Variants in DOCK4 observed in about 807,000 individuals in gnomAD.
DOCK4 encodes dedicator of cytokinesis protein 4.
Under a neutral mutation model 268.1 loss-of-function variants are expected in DOCK4, and 97 were observed. The ratio of observed to expected loss-of-function variants is 0.36; its 90% CI spans 0.31 to 0.43. The LOEUF (loss-of-function observed/expected upper bound fraction) is 0.43. Ranked by LOEUF, DOCK4 falls within the 20% of genes least tolerant of loss-of-function variation. The pLI is 1.00. For synonymous variants in DOCK4, 954 were observed against 887.2 expected (o/e 1.08, Z -1.34); for missense variants, 2,145 against 2,455.7 (o/e 0.87, Z 2.67).
intron 1 of DOCK4, among the ~76,000 whole-genome samples, chr7:112,072,670 A>G (rs1192088794): frequency 6.6e-6 from 1 of 152,144 alleles, no homozygotes; most frequent in Non-Finnish European, 1.5e-5. Context: ...AGGTTGTTAA[A>G]CTGTCTCCCT....
intron 26 of DOCK4, among the ~76,000 whole-genome samples, chr7:111,823,923 C>T (rs1310036730): frequency 1.3e-5 from 2 of 152,098 alleles, no homozygotes; most frequent in Non-Finnish European, 2.9e-5. Context: ...CATGTGGTAG[C>T]TTTATTTTCT....
chr7:111,791,085 T>TAC (rs2133806832), intron 30 of DOCK4, among the ~76,000 whole-genome samples: 1 of 139,998 alleles, frequency 7.1e-6, no homozygotes, highest in East Asian at 2.0e-4. Context: ...TATATATATA[T>TAC]ATATATATAT....
At chr7:111,756,175 C>T (rs573479365) in intron 41 of DOCK4, among the ~76,000 whole-genome samples, 5 of 152,160 alleles carry the variant, frequency 3.3e-5, no homozygotes, top group South Asian at 2.1e-4. Flanking sequence ...GGTGAAACCG[C>T]GTCTCTGCTA....
intron 25 of DOCK4, among the ~76,000 whole-genome samples, chr7:111,838,805 T>A (rs1373936937): frequency 1.3e-5 from 2 of 152,186 alleles, no homozygotes; most frequent in East Asian, 3.8e-4. Context: ...TGATGTTTCA[T>A]AGGAATACAC....
chr7:112,191,990 AATATT>A (rs1426666154), intron 1 of DOCK4, among the ~76,000 whole-genome samples: 1 of 148,142 alleles, frequency 6.8e-6, no homozygotes, highest in Non-Finnish European at 1.5e-5. Context: ...AGTATACTTA[AATATT>A]ATATATTATA....
chr7:112,165,139 A>C (rs539171138), intron 1 of DOCK4, among the ~76,000 whole-genome samples: 6 of 152,294 alleles, frequency 3.9e-5, no homozygotes, highest in African/African-American at 1.4e-4. Context: ...AAATTTTGTT[A>C]CATGTATATA....
At chr7:112,096,405 A>C (rs1428074306) in intron 1 of DOCK4, among the ~76,000 whole-genome samples, 1 of 151,764 alleles carries the variant, frequency 6.6e-6, no homozygotes, top group Non-Finnish European at 1.5e-5. Flanking sequence ...CTGGTCTCCA[A>C]CTCCTAGGCT....
chr7:111,962,547 G>C lies in DOCK4; in HGVS notation c.701+14585C>G, dbSNP rs112361459. On this transcript the variant is annotated intron_variant, in intron 8 of 52. Coordinates refer to ENST00000428084, the MANE Select transcript of DOCK4 (RefSeq NM_001363540.2). ...CCAGAATCTGGCCACTTCGATTACCGTGCGGTACACAAGACACACAAAGGT... is the reference window on the plus strand; with the variant it reads ...CCAGAATCTGGCCACTTCGATTACCCTGCGGTACACAAGACACACAAAGGT... 1.9e-3 allele frequency among the ~76,000 whole-genome samples: 293 copies of C among 152,156 alleles called. 3 individuals carry two copies. Among genetic ancestry groups the C allele is most frequent in the African/African-American group, 6.6e-3 (275 of 41,506 alleles).
chr7:112,118,209 A>C (rs1042923186), intron 1 of DOCK4, among the ~76,000 whole-genome samples: 3 of 151,818 alleles, frequency 2.0e-5, no homozygotes, highest in Non-Finnish European at 2.9e-5. Context: ...ATAACAACAG[A>C]ACCATGGAGA....
At chr7:111,820,334 G>T (rs923924131) in intron 27 of DOCK4, 5 of 152,194 alleles carry the variant, frequency 3.3e-5, no homozygotes, top group African/African-American at 1.2e-4. Context: ...GAGAGGCAGC[G>T]CCAGACTCCT....
intron 8 of DOCK4, among the ~76,000 whole-genome samples, chr7:111,974,526 G>GTA (rs1435276958): frequency 6.7e-6 from 1 of 149,300 alleles, no homozygotes; most frequent in Non-Finnish European, 1.5e-5. Flanking sequence ...GTGTGTGTGT[G>GTA]TGTGTGTGTG....
At chr7:112,058,299 A>G (rs1305762577) in intron 1 of DOCK4, among the ~76,000 whole-genome samples, 1 of 152,156 alleles carries the variant, frequency 6.6e-6, no homozygotes, top group Non-Finnish European at 1.5e-5. Context: ...CCTCTGTTAT[A>G]AGGAACAGCA....
intron 26 of DOCK4, among the ~76,000 whole-genome samples, chr7:111,822,673 C>T (rs1468906641): frequency 1.3e-5 from 2 of 152,164 alleles, no homozygotes; most frequent in African/African-American, 4.8e-5. Flanking sequence ...TTCTTGGGCA[C>T]AGTGAAAATG....
chr7:112,063,098 A>G (rs958197329), intron 1 of DOCK4, among the ~76,000 whole-genome samples: 2 of 152,212 alleles, frequency 1.3e-5, no homozygotes, highest in African/African-American at 4.8e-5. Flanking sequence ...CCTGAAAGAT[A>G]CAAAGCACAC....
At position 111,794,901 on chromosome 7, in the gene DOCK4, T is replaced by C. The variant is rs147341704; in HGVS notation, c.3167-4296A>G. 1.7e-4 allele frequency among the ~76,000 whole-genome samples: 26 copies of C among 152,270 alleles called. No homozygotes were observed. In the East Asian group the frequency reaches 4.1e-3, roughly 24 times the overall value. On this transcript the variant is annotated intron_variant, in intron 30 of 52. Coordinates refer to ENST00000428084, the MANE Select transcript of DOCK4 (RefSeq NM_001363540.2). ...AAGTGAAAACCTGATTACAATGAATTACAAAGTAAAAAGAGAGAGAGACAA... is the reference window on the plus strand; with the variant it reads ...AAGTGAAAACCTGATTACAATGAATCACAAAGTAAAAAGAGAGAGAGACAA...
At chr7:111,862,008 A>G (rs1474794641) in intron 23 of DOCK4, among the ~76,000 whole-genome samples, 1 of 151,948 alleles carries the variant, frequency 6.6e-6, no homozygotes. Context: ...TTATTAAAAA[A>G]TCTAAAGCAA....
At position 111,746,396 on chromosome 7, in the gene DOCK4, T is replaced by C; in HGVS notation, c.4615A>G (p.Ile1539Val). ...YQEAFFVKEYILSHPEDGEKI... is the reference protein window; with the variant it reads ...YQEAFFVKEYVLSHPEDGEKI... ...TCCCCATCTTCAGGGTGACTTAAGA[T>C]ATATTCTTTGACAAAGAATGCCTAG... is the stretch of plus-strand genomic sequence containing the variant. The change falls in exon 44 of 53, where the codon ATC becomes GTC. Residue 1539 changes from isoleucine (I) to valine (V), a missense_variant. By Grantham distance (29) the Ile-to-Val change is conservative. Around this residue, in one of 2 missense-constraint regions of DOCK4, gnomAD observed 1,598 missense variants for 1,986.7 expected, o/e 0.80. Transcript: ENST00000428084. The C allele has an allele frequency of 3.7e-6, 6 of 1,611,836 alleles. No homozygotes were observed. The highest frequency in any genetic ancestry group is 3.3e-5 in the South Asian group (3 of 90,424).
At chr7:111,763,523 A>G (rs1356806562) in intron 39 of DOCK4, among the ~76,000 whole-genome samples, 1 of 152,234 alleles carries the variant, frequency 6.6e-6, no homozygotes, top group Non-Finnish European at 1.5e-5. Context: ...CAGTTTTCCA[A>G]TTTGCTAAAC....
intron 30 of DOCK4, among the ~76,000 whole-genome samples, chr7:111,797,153 C>T (rs1413019764): frequency 6.6e-6 from 1 of 152,180 alleles, no homozygotes; most frequent in Non-Finnish European, 1.5e-5. Flanking sequence ...AAAAGCAACT[C>T]ATTTTCTTTT....
Sources: allele counts gnomAD v4.1 joint callset (sites outside exome capture counted in the v4.1 genomes callset), GRCh38; gene constraint gnomAD v4.1.1; regional missense constraint gnomAD v4.1.1; transcripts MANE v1.5; gene names NCBI Gene and HGNC (gene_info 2026-07-23, HGNC 2026-07-21).